Variants in SIM1 observed in about 807,000 individuals in gnomAD.
SIM1 encodes the protein SIM bHLH transcription factor 1, also known as single-minded homolog 1.
A neutral mutation model predicts 78.2 loss-of-function variants in SIM1; 18 were observed. That is an observed-to-expected ratio of 0.23 (90% CI 0.16 to 0.34). The LOEUF is 0.34. Among genes scored for constraint, SIM1 ranks in the 10% least tolerant of loss-of-function variants. The probability of loss-of-function intolerance (pLI) is 1.00; values close to 1 mark genes in which losing one functional copy is unlikely to be tolerated. For synonymous variants in SIM1, 417 were observed against 385.2 expected, an observed-to-expected ratio of 1.08 and a Z score of -0.97; for missense variants, 939 against 975.1, an observed-to-expected ratio of 0.96 and a Z score of 0.49.
intron 10 of SIM1, among the ~76,000 whole-genome samples, chr6:100,409,646 T>C (rs979062631): frequency 6.6e-6 from 1 of 152,170 alleles, no homozygotes; most frequent in Non-Finnish European, 1.5e-5. Flanking sequence ...ATGAAATCTT[T>C]ATTTTTTTCT....
intron 10 of SIM1, among the ~76,000 whole-genome samples, chr6:100,399,511 C>A: frequency 6.6e-6 from 1 of 152,008 alleles, no homozygotes; most frequent in East Asian, 1.9e-4. Context: ...TGAAATTGTT[C>A]TATATGATGA....
Position 100,448,129 on chromosome 6 carries a change from G to T in SIM1, c.850+17C>A, listed in dbSNP as rs1418761263. 4 of 1,597,602 alleles carry T rather than the reference G, an allele frequency of 2.5e-6. No individual in the cohort carries two copies. The African/African-American group carries it at 4.0e-5, about 16-fold the overall frequency. On this transcript the variant is annotated intron_variant, in intron 8 of 11. Coordinates refer to ENST00000369208, the MANE Select transcript of SIM1 (RefSeq NM_005068.3). ...TGCGCCAAGGTTGCTAGGGTACGGGGCAGGGTGGCGCCTTACGCAAATGGT... is the reference window on the plus strand; with the variant it reads ...TGCGCCAAGGTTGCTAGGGTACGGGTCAGGGTGGCGCCTTACGCAAATGGT...
chr6:100,404,347 G>A (rs1179555317), intron 10 of SIM1, among the ~76,000 whole-genome samples: 1 of 152,082 alleles, frequency 6.6e-6, no homozygotes, highest in African/African-American at 2.4e-5. Context: ...AGCTCATTGA[G>A]GTTTTTATCA....
intron 2 of SIM1, among the ~76,000 whole-genome samples, chr6:100,460,455 T>C (rs998158267): frequency 6.6e-6 from 1 of 152,354 alleles, no homozygotes; most frequent in East Asian, 1.9e-4. Context: ...TATAGCTATG[T>C]CACCAGATTA....
chr6:100,415,187 A>C (rs1771366991), intron 10 of SIM1, among the ~76,000 whole-genome samples: 1 of 152,246 alleles, frequency 6.6e-6, no homozygotes, highest in Non-Finnish European at 1.5e-5. Context: ...CTCTGGAATG[A>C]GGAGGCAATT....
intron 10 of SIM1, among the ~76,000 whole-genome samples, chr6:100,409,626 G>T (rs1214170295): frequency 6.6e-6 from 1 of 151,916 alleles, no homozygotes; most frequent in Non-Finnish European, 1.5e-5. Context: ...TAGGTGTAAA[G>T]TTAAGTTATA....
rs1461773205 is a variant in SIM1, at chr6:100,387,417, A to G, written c.*2944T>C. 6.6e-6 allele frequency: 1 copy of G among 152,138 alleles called. No homozygotes were observed. Among genetic ancestry groups the G allele is most frequent in the Non-Finnish European group, 1.5e-5 (1 of 67,952 alleles). The allele number at this position is 152,138 out of a possible 1,614,324, so 9.4% of individuals were successfully genotyped here. On this transcript the variant is annotated 3_prime_UTR_variant, in exon 12 of 12. Transcript: ENST00000369208. ...GAAATATGTTGCTGCACAGAACAAA[A>G]TAATGTAGATTATAAACACATTTTA...
At position 100,449,431 on chromosome 6, in the gene SIM1, A is replaced by G; in HGVS notation, c.475T>C (p.Ser159Pro). ...ACGCACTTCATCCTCAGGAAGAAGGAGCGCTCGATCTCATACTCTGGGAGA... is the reference window on the plus strand; with the variant it reads ...ACGCACTTCATCCTCAGGAAGAAGGGGCGCTCGATCTCATACTCTGGGAGA... ...HFVQEYEIER[S>P]FFLRMKCVLA... The change falls in exon 6 of 12, where the codon TCC (serine) becomes CCC (proline). Residue 159 changes from serine (S) to proline (P), a missense_variant. By Grantham distance (74) the Ser-to-Pro change is moderately conservative. This residue lies in a region of SIM1 where 187 missense variants were observed against 191.6 expected (regional missense o/e 0.98). Coordinates refer to ENST00000369208, the MANE Select transcript of SIM1 (RefSeq NM_005068.3). 4 of 1,613,996 alleles carry G rather than the reference A, an allele frequency of 2.5e-6. No individual in the cohort carries two copies. The highest frequency in any genetic ancestry group is 3.4e-6 in the Non-Finnish European group (4 of 1,179,892).
rs546967890 is a variant in SIM1, at chr6:100,447,509, G to A, written c.851-94C>T. On this transcript the variant is annotated intron_variant, in intron 8 of 11. Coordinates refer to ENST00000369208, the MANE Select transcript of SIM1 (RefSeq NM_005068.3). The stretch of plus-strand genomic sequence containing the variant: ...TGGTGGTAAGAATTGAGGGCTCCCT[G>A]TGGGCCCTAATAACTGCACCAGGCA... 24 of 1,412,072 alleles carry A rather than the reference G, an allele frequency of 1.7e-5. No homozygotes were observed. The African/African-American group carries it at 3.2e-4, about 19-fold the overall frequency. 87.5% of individuals were successfully genotyped at this position (1,412,072 alleles called of 1,614,324 possible).
chr6:100,451,341 C>G (rs1772508325), intron 3 of SIM1, among the ~76,000 whole-genome samples: 1 of 152,140 alleles, frequency 6.6e-6, no homozygotes, highest in Non-Finnish European at 1.5e-5. Context: ...TCTGCTGGGT[C>G]TGGGGATAGG....
intron 9 of SIM1, among the ~76,000 whole-genome samples, chr6:100,434,741 A>T (rs1394026294): frequency 1.3e-5 from 2 of 152,240 alleles, no homozygotes; most frequent in African/African-American, 4.8e-5. Context: ...TTAAAAGCAC[A>T]AACACAGAGA....
intron 2 of SIM1, 31 bp from the exon 3 acceptor site, chr6:100,453,875 C>A: frequency 3.8e-6 from 6 of 1,569,626 alleles, no homozygotes; most frequent in Non-Finnish European, 5.2e-6. Flanking sequence ...CCTGTAGCCA[C>A]TGAACCCGGA....
chr6:100,448,143 T>C lies in SIM1; in HGVS notation c.850+3A>G. 6.2e-7 allele frequency: 1 copy of C among 1,610,870 alleles called. No individual in the cohort carries two copies. Among genetic ancestry groups the C allele is most frequent in the Non-Finnish European group, 8.5e-7 (1 of 1,178,590 alleles). On this transcript the variant is annotated splice_donor_region_variant and intron_variant, in intron 8 of 11. Transcript: ENST00000369208. ...TAGGGTACGGGGCAGGGTGGCGCCT[T>C]ACGCAAATGGTGCGCGCAGCGCAGG... is the stretch of plus-strand genomic sequence containing the variant.
At position 100,393,668 on chromosome 6, in the gene SIM1, A is replaced by T. The variant is rs762310599; in HGVS notation, c.1389T>A (p.His463Gln). The T allele has an allele frequency of 3.2e-5, 51 of 1,613,864 alleles. No individual in the cohort carries two copies. The highest frequency in any genetic ancestry group is 4.1e-5 in the Non-Finnish European group (48 of 1,179,864). Residue 463 changes from histidine (H) to glutamine (Q), a missense_variant, in exon 11 of 12, where the codon CAT (histidine) becomes CAA (glutamine). Coordinates refer to ENST00000369208, the MANE Select transcript of SIM1 (RefSeq NM_005068.3). ...ATCGGCCTCCTTCACAGGCCTGGGT[A>T]TGGAAATGCCTCTCTTCCACCAGCC... ...HSRLVEERHF[H>Q]TQACEGGRCE...
Position 100,390,490 on chromosome 6 carries a change from G to T in SIM1, c.2172C>A (p.Ser724Arg). 6.2e-7 allele frequency: 1 copy of T among 1,614,098 alleles called. No individual in the cohort carries two copies. Among genetic ancestry groups the T allele is most frequent in the Non-Finnish European group, 8.5e-7 (1 of 1,180,022 alleles). Residue 724 changes from serine (S) to arginine (R), a missense_variant, in exon 12 of 12, where the codon AGC becomes AGA. Around this residue, in one of 5 missense-constraint regions of SIM1, gnomAD observed 556 missense variants for 521.9 expected, o/e 1.07. Transcript: ENST00000369208. ...CCAAGGAATAGTTTCTAATGGTTTC[G>T]CTGTCATATAAGTGCTCCAGGGCAT... is the stretch of plus-strand genomic sequence containing the variant. Reference protein sequence around the residue: ...TGYALEHLYDSETIRNYSLGC... With the variant: ...TGYALEHLYDRETIRNYSLGC...
chr6:100,463,018 G>A, intron 2 of SIM1: 1 of 365,958 alleles, frequency 2.7e-6, no homozygotes, highest in Non-Finnish European at 4.9e-6. Flanking sequence ...CCTAGTATCT[G>A]AAGTGTTGAC....
intron 2 of SIM1, among the ~76,000 whole-genome samples, chr6:100,455,153 G>GCT (rs1406294654): frequency 6.6e-6 from 1 of 152,192 alleles, no homozygotes; most frequent in Non-Finnish European, 1.5e-5. Context: ...AGCAATCAAA[G>GCT]CCTTGGTAAG....
Position 100,391,032 on chromosome 6 carries a change from C to T in SIM1, c.1630G>A (p.Glu544Lys), listed in dbSNP as rs1466475303. ...VSSPDPGSASESGDRYRTEQY... is the reference protein window; with the variant it reads ...VSSPDPGSASKSGDRYRTEQY... ...TCAGTACGATATCGGTCACCTGATT[C>T]ACTGGCCGACCCAGGGTCTGGAGAA... Residue 544 changes from glutamate (E) to lysine (K), a missense_variant, in exon 12 of 12, where the codon GAA (glutamate) becomes AAA (lysine). By Grantham distance (56) the Glu-to-Lys change is moderately conservative. This residue lies in a region of SIM1 where 556 missense variants were observed against 521.9 expected (regional missense o/e 1.07). Transcript: ENST00000369208. 3 of 1,613,970 alleles carry T rather than the reference C, an allele frequency of 1.9e-6. No homozygotes were observed. Among genetic ancestry groups the T allele is most frequent in the Non-Finnish European group, 2.5e-6 (3 of 1,180,016 alleles).
In SIM1 at chr6:100,447,321, G is replaced by A. The variant is rs756885111; in HGVS notation, c.945C>T (p.His315=). The A allele has an allele frequency of 1.2e-6, 2 of 1,614,102 alleles. No homozygotes were observed. The highest frequency in any genetic ancestry group is 2.7e-5 in the African/African-American group (2 of 74,954). Residue 315 remains histidine (H), a synonymous_variant, in exon 9 of 12, where the codon CAC becomes CAT. Transcript: ENST00000369208. ...AGTGTGGCCTGGAGGAGCGACTGTT[G>A]TGCACGATGGTCGCGTAGCTCTGCA... ...VWVQSYATIV[H]NSRSSRPHCI...
Sources: allele counts gnomAD v4.1 joint callset (sites outside exome capture counted in the v4.1 genomes callset), GRCh38; gene constraint gnomAD v4.1.1; regional missense constraint gnomAD v4.1.1; transcripts MANE v1.5; gene names NCBI Gene and HGNC (gene_info 2026-07-23, HGNC 2026-07-21).